Variants in LRRC4C observed in about 807,000 individuals in gnomAD.
LRRC4C encodes the protein leucine-rich repeat-containing protein 4C.
LRRC4C carries 5 observed loss-of-function variants against 33.6 expected under a neutral mutation model. The ratio of observed to expected loss-of-function variants is 0.15; its 90% CI spans 0.08 to 0.31. The LOEUF (loss-of-function observed/expected upper bound fraction) is 0.31, where lower values mean the gene tolerates loss of function less well. Ranked by LOEUF, LRRC4C falls within the 10% of genes least tolerant of loss-of-function variation. The pLI is 1.00. For synonymous variants in LRRC4C, 329 were observed against 302.0 expected (o/e 1.09, Z -0.93); for missense variants, 560 against 796.7 (o/e 0.70, Z 3.58).
intron 1 of LRRC4C, among the ~76,000 whole-genome samples, chr11:41,043,845 G>A (rs1394381042): frequency 5.9e-5 from 9 of 152,014 alleles, no homozygotes; most frequent in Non-Finnish European, 1.2e-4. Flanking sequence ...TTAAGTGTTA[G>A]TTTTTATTGC....
intron 5 of LRRC4C, among the ~76,000 whole-genome samples, chr11:40,195,597 G>A (rs1370230819): frequency 7.3e-5 from 11 of 151,452 alleles, no homozygotes; most frequent in Non-Finnish European, 1.6e-4. Flanking sequence ...GTTCATCTTG[G>A]AAATGAAAAA....
chr11:40,744,309 G>C (rs907456953), intron 2 of LRRC4C, among the ~76,000 whole-genome samples: 1 of 152,128 alleles, frequency 6.6e-6, no homozygotes, highest in Non-Finnish European at 1.5e-5. Context: ...GTAAAAAAGT[G>C]CTTCTATAAA....
intron 3 of LRRC4C, among the ~76,000 whole-genome samples, chr11:40,326,290 G>A (rs1244156587): frequency 4.6e-5 from 7 of 152,082 alleles, no homozygotes; most frequent in African/African-American, 9.7e-5. Context: ...CTGGCCAGGC[G>A]CAGTGGCTCA....
intron 3 of LRRC4C, among the ~76,000 whole-genome samples, chr11:40,498,666 A>C (rs1954592779): frequency 6.6e-6 from 1 of 152,212 alleles, no homozygotes; most frequent in African/African-American, 2.4e-5. Context: ...GAATTGACTC[A>C]GAATAAATGC....
intron 3 of LRRC4C, among the ~76,000 whole-genome samples, chr11:40,507,602 C>G (rs2138684701): frequency 6.6e-6 from 1 of 152,134 alleles, no homozygotes; most frequent in Admixed American, 6.5e-5. Flanking sequence ...TTCAACTGAA[C>G]TTTTAGCAGT....
chr11:40,228,395 A>G (rs1254454725), intron 5 of LRRC4C, among the ~76,000 whole-genome samples: 1 of 152,182 alleles, frequency 6.6e-6, no homozygotes, highest in Non-Finnish European at 1.5e-5. Flanking sequence ...CAAGAAAACT[A>G]CAAGATGCAC....
chr11:40,633,813 T>C (rs1963723065), intron 3 of LRRC4C, among the ~76,000 whole-genome samples: 1 of 152,230 alleles, frequency 6.6e-6, no homozygotes, highest in Non-Finnish European at 1.5e-5. Context: ...TTTTATTTTT[T>C]ATATTTATAC....
intron 5 of LRRC4C, among the ~76,000 whole-genome samples, chr11:40,231,602 A>G (rs1359533695): frequency 6.6e-6 from 1 of 152,164 alleles, no homozygotes; most frequent in Non-Finnish European, 1.5e-5. Context: ...TAACCCTAAG[A>G]TATTTTTATA....
rs148599147 is a variant in LRRC4C at position 40,539,131 on chromosome 11, A to C, written c.-270+109011T>G. On this transcript the variant is annotated intron_variant, in intron 3 of 6. Transcript: ENST00000528697. ...TTCAGTGGTCATATTGATAAATATGATGCTGCTAATGTGACCCAAATTAAT... is the reference window on the plus strand; with the variant it reads ...TTCAGTGGTCATATTGATAAATATGCTGCTGCTAATGTGACCCAAATTAAT... Among the ~76,000 whole-genome samples the C allele has an allele frequency of 2.6e-4, 40 of 152,294 alleles. No homozygotes were observed. The East Asian group carries it at 7.7e-3, about 29-fold the overall frequency.
chr11:40,549,778 GA>G (rs1957064876), intron 3 of LRRC4C, among the ~76,000 whole-genome samples: 1 of 152,052 alleles, frequency 6.6e-6, no homozygotes, highest in Admixed American at 6.6e-5. Flanking sequence ...GAAAAAAAGT[GA>G]AAATACATAC....
intron 2 of LRRC4C, among the ~76,000 whole-genome samples, chr11:40,835,532 T>C (rs1416322303): frequency 1.3e-5 from 2 of 152,196 alleles, no homozygotes; most frequent in Non-Finnish European, 1.5e-5. Flanking sequence ...GTTACACAGA[T>C]AACGTACTAA....
intron 3 of LRRC4C, among the ~76,000 whole-genome samples, chr11:40,589,571 C>A (rs1189824848): frequency 6.1e-4 from 93 of 151,728 alleles, no homozygotes; most frequent in African/African-American, 1.9e-3. Context: ...TCTTCCTAGT[C>A]TCGATGGTCT....
At chr11:40,436,396 A>C (rs1951141301) in intron 3 of LRRC4C, among the ~76,000 whole-genome samples, 1 of 152,188 alleles carries the variant, frequency 6.6e-6, no homozygotes, top group South Asian at 2.1e-4. Flanking sequence ...TCCTGCCCCC[A>C]AAAAGTGTCA....
intron 2 of LRRC4C, among the ~76,000 whole-genome samples, chr11:40,751,007 G>C (rs1285443104): frequency 4.0e-5 from 6 of 151,828 alleles, no homozygotes; most frequent in Admixed American, 3.3e-4. Flanking sequence ...ATAGAATGAA[G>C]GACAAAAACC....
chr11:40,613,119 G>A (rs1009842199), intron 3 of LRRC4C, among the ~76,000 whole-genome samples: 1 of 151,772 alleles, frequency 6.6e-6, no homozygotes, highest in African/African-American at 2.4e-5. Context: ...AGGTTGGGAT[G>A]GCTGTGCCTG....
chr11:40,709,360 G>A (rs946491091), intron 2 of LRRC4C, among the ~76,000 whole-genome samples: 5 of 152,144 alleles, frequency 3.3e-5, no homozygotes, highest in Admixed American at 2.6e-4. Flanking sequence ...TCTTTTCCAT[G>A]TTTAGTGCTT....
intron 1 of LRRC4C, among the ~76,000 whole-genome samples, chr11:41,389,638 G>GTAAAAAAAAAAAAAA (rs1565633826): frequency 8.8e-4 from 2 of 2,274 alleles, no homozygotes; most frequent in Non-Finnish European, 2.3e-3. Flanking sequence ...ACAGTGAGCA[G>GTAAAAAAAAAAAAAA]CAAAAAAAAA....
chr11:41,325,271 A>G (rs1261452552), intron 1 of LRRC4C, among the ~76,000 whole-genome samples: 1 of 152,184 alleles, frequency 6.6e-6, no homozygotes, highest in Non-Finnish European at 1.5e-5. Flanking sequence ...TGACAAAATA[A>G]ATACTTTAAT....
At chr11:40,581,068 T>TAAGA (rs201304172) in intron 3 of LRRC4C, among the ~76,000 whole-genome samples, 2,566 of 152,392 alleles carry the variant, frequency 0.017, 88 homozygotes, top group African/African-American at 0.058. Context: ...CCTGGTCTTC[T>TAAGA]TGTTTTTATT....
Sources: allele counts gnomAD v4.1 joint callset (sites outside exome capture counted in the v4.1 genomes callset), GRCh38; gene constraint gnomAD v4.1.1; transcripts MANE v1.5; gene names NCBI Gene and HGNC (gene_info 2026-07-23, HGNC 2026-07-21).